The following RRAD variants were observed in gnomAD, a reference collection of about 807,000 sequenced individuals.
RRAD encodes GTP-binding protein RAD.
RRAD carries 15 observed loss-of-function variants against 24.7 expected under a neutral mutation model. That is an observed-to-expected ratio of 0.61 (90% confidence interval 0.41 to 0.93). The LOEUF is 0.93. Among genes scored for constraint, RRAD ranks in the 40% least tolerant of loss-of-function variants. The pLI is 0.00. For missense variants in RRAD, 438 were observed against 452.2 expected (o/e 0.97, Z 0.29); for synonymous variants, 180 against 189.8 (o/e 0.95, Z 0.43).
In RRAD at chr16:66,923,349, G is replaced by T. The variant is rs986432194; in HGVS notation, c.649+167C>A. ...TTTCCCCAGCCCTCTGGGGCCTTCC[G>T]GAGCCCTGTGAGCAGGCACCAGCTC... On this transcript the variant is annotated intron_variant, in intron 4 of 4. Transcript: ENST00000299759. This position sits in a 1 kb window ranked among gnomAD's most constrained non-coding sequence, Gnocchi z 4.9. Among the ~76,000 whole-genome samples, 1 of 152,004 alleles carries T rather than the reference G, an allele frequency of 6.6e-6. No individual in the cohort carries two copies. Among genetic ancestry groups the T allele is most frequent in the Non-Finnish European group, 1.5e-5 (1 of 67,980 alleles).
intron 4 of RRAD, among the ~76,000 whole-genome samples, 155 bp from the exon 5 acceptor site, chr16:66,922,508 G>A (rs146053386): frequency 2.6e-5 from 4 of 152,204 alleles, no homozygotes; most frequent in Non-Finnish European, 2.9e-5. Flanking sequence ...GAGGGTACTG[G>A]GCACTGCTGC....
Position 66,923,161 on chromosome 16 carries a change from C to A in RRAD, c.649+355G>T, listed in dbSNP as rs1023619643. 6.6e-6 allele frequency among the ~76,000 whole-genome samples: 1 copy of A among 152,118 alleles called. No individual in the cohort carries two copies. Among genetic ancestry groups the A allele is most frequent in the African/African-American group, 2.4e-5 (1 of 41,422 alleles). ...GGAAGGGTCTTCCCCAGGGCCAAGT[C>A]TACTCTAAGAATGGCCCAGACCTAG... On this transcript the variant is annotated intron_variant, in intron 4 of 4. Transcript: ENST00000299759. This position sits in a 1 kb window ranked among gnomAD's most constrained non-coding sequence, Gnocchi z 4.9.
Position 66,924,067 on chromosome 16 carries a change from G to A in RRAD, c.371-148C>T, listed in dbSNP as rs952268019. On this transcript the variant is annotated intron_variant, in intron 2 of 4. Transcript: ENST00000299759. The surrounding 1 kb of genome is among the most constrained non-coding windows in gnomAD (Gnocchi z 4.2). ...CAGATGCTGGTATGTGGCAACAGCA[G>A]TGCCAGGCAGGGAAGTGGGGGCTGG... The A allele has an allele frequency of 1.3e-5, 9 of 709,242 alleles. No individual in the cohort carries two copies. The highest frequency in any genetic ancestry group is 2.0e-5 in the Non-Finnish European group (8 of 393,316). The allele number at this position is 709,242 out of a possible 1,614,324, so 43.9% of individuals were successfully genotyped here.
chr16:66,925,222 T>G lies in RRAD; in HGVS notation c.-15-28A>C, dbSNP rs572163707. The stretch of plus-strand genomic sequence containing the variant: ...AGGGGATCAGGAACCCGAGTGGCCG[T>G]GTAAGCCGCGAGGGAGGCGGGACCC... On this transcript the variant is annotated intron_variant, in intron 1 of 4. Transcript: ENST00000299759. This position sits in a 1 kb window ranked among gnomAD's most constrained non-coding sequence, Gnocchi z 5.2. 970 of 1,234,558 alleles carry G rather than the reference T, an allele frequency of 7.9e-4. 12 individuals carry two copies. In the African/African-American group the frequency reaches 0.014, roughly 18 times the overall value. The allele number at this position is 1,234,558 out of a possible 1,614,324, so 76.5% of individuals were successfully genotyped here.
In RRAD at chr16:66,923,242, C is replaced by G. The variant is rs1254610785; in HGVS notation, c.649+274G>C. Among the ~76,000 whole-genome samples, 1 of 152,212 alleles carries G rather than the reference C, an allele frequency of 6.6e-6. No homozygotes were observed. On this transcript the variant is annotated intron_variant, in intron 4 of 4. Transcript: ENST00000299759. The surrounding 1 kb of genome is among the most constrained non-coding windows in gnomAD (Gnocchi z 4.9). Reference sequence around the variant, plus strand: ...CCTACACTCTCTTCCACCCATTTACCCCCCCAACCAGCCAGGCCAGGACCA... The same window carrying G: ...CCTACACTCTCTTCCACCCATTTACGCCCCCAACCAGCCAGGCCAGGACCA...
In RRAD at chr16:66,922,229, T is replaced by C; in HGVS notation, c.774A>G (p.Lys258=). ...VRQIRLRRDS[K]EANARRQAGT... Reference sequence around the variant, plus strand: ...CTGCTTGCCGTCGTGCGTTGGCTTCTTTGCTGTCCCTGCGCAGGCGTATCT... The same window carrying C: ...CTGCTTGCCGTCGTGCGTTGGCTTCCTTGCTGTCCCTGCGCAGGCGTATCT... Residue 258 remains lysine (K), a synonymous_variant, in exon 5 of 5, where the codon AAA becomes AAG. Transcript: ENST00000299759. 2 of 1,614,214 alleles carry C rather than the reference T, an allele frequency of 1.2e-6. No homozygotes were observed. The highest frequency in any genetic ancestry group is 1.7e-6 in the Non-Finnish European group (2 of 1,180,028).
Position 66,923,680 on chromosome 16 carries a change from C to A in RRAD, c.485G>T (p.Gly162Val). The change falls in exon 4 of 5, where the codon GGG becomes GTG. Residue 162 changes from glycine (G) to valine (V), a missense_variant. Gly to Val is a moderately radical substitution (Grantham distance 109). Transcript: ENST00000299759. The surrounding 1 kb of genome is among the most constrained non-coding windows in gnomAD (Gnocchi z 4.9). ...TGAGTACACAATGACATAGGCATCC[C>A]CCATGGCCATGCAGTGGCCGGGCAA... Reference protein sequence around the residue: ...RWLPGHCMAMGDAYVIVYSVT... With the variant: ...RWLPGHCMAMVDAYVIVYSVT... 1 of 1,614,152 alleles carries A rather than the reference C, an allele frequency of 6.2e-7. No homozygotes were observed.
intron 4 of RRAD, 80 bp from the exon 5 acceptor site, chr16:66,922,433 G>A: frequency 7.1e-7 from 1 of 1,409,694 alleles, no homozygotes; most frequent in Non-Finnish European, 9.6e-7. Context: ...GGCCACCCAT[G>A]GAAGCTGCCA....
Position 66,923,485 on chromosome 16 carries a change from T to C in RRAD, c.649+31A>G, listed in dbSNP as rs1453999411. The C allele has an allele frequency of 2.5e-6, 4 of 1,572,846 alleles. No individual in the cohort carries two copies. The highest frequency in any genetic ancestry group is 1.1e-5 in the South Asian group (1 of 88,220). ...CCTGGATCAGGGCCCAGCTGGGCTCTCCCTCCCCCTGCAACCTGCCGCCTA... is the reference window on the plus strand; with the variant it reads ...CCTGGATCAGGGCCCAGCTGGGCTCCCCCTCCCCCTGCAACCTGCCGCCTA... On this transcript the variant is annotated intron_variant, in intron 4 of 4. Coordinates refer to ENST00000299759, the MANE Select transcript of RRAD (RefSeq NM_004165.3). This position sits in a 1 kb window ranked among gnomAD's most constrained non-coding sequence, Gnocchi z 4.9.
Position 66,924,884 on chromosome 16 carries a change from GC to G in RRAD, c.295del (p.Ala99ArgfsTer34). 6.3e-7 allele frequency: 1 copy of G among 1,584,752 alleles called. No individual in the cohort carries two copies. Among genetic ancestry groups the G allele is most frequent in the South Asian group, 1.1e-5 (1 of 89,362 alleles). ...CAGGGCGCTCTTGCCCACGCCGGGC[GC>G]CCCCAGCAGCAGCACCTTGTAAACG... ...ESVYKVLLLG[A>X]PGVGKSALAR... On this transcript the variant is annotated frameshift_variant, in exon 2 of 5. Coordinates refer to ENST00000299759, the MANE Select transcript of RRAD (RefSeq NM_004165.3). LOFTEE classifies it high-confidence loss of function. The surrounding 1 kb of genome is among the most constrained non-coding windows in gnomAD (Gnocchi z 4.2).
At position 66,922,164 on chromosome 16, in the gene RRAD, C is replaced by A. The variant is rs1390430043; in HGVS notation, c.839G>T (p.Arg280Leu). The stretch of plus-strand genomic sequence containing the variant: ...ACGAGCTACGATGCGGCCCAAGAAG[C>A]GCTTCGCCTTTTTGCCAAGGCTCTC... ...RRESLGKKAK[R>L]FLGRIVARNS... is the part of the protein sequence containing the mutation. The change falls in exon 5 of 5, where the codon CGC (arginine) becomes CTC (leucine). Residue 280 changes from arginine (R) to leucine (L), a missense_variant. Coordinates refer to ENST00000299759, the MANE Select transcript of RRAD (RefSeq NM_004165.3). 1.2e-6 allele frequency: 2 copies of A among 1,614,194 alleles called. No individual in the cohort carries two copies. Among genetic ancestry groups the A allele is most frequent in the Admixed American group, 1.7e-5 (1 of 60,034 alleles).
At position 66,923,771 on chromosome 16, in the gene RRAD, C is replaced by CT; in HGVS notation, c.445-52_445-51insA. 5 of 1,611,106 alleles carry CT rather than the reference C, an allele frequency of 3.1e-6. No individual in the cohort carries two copies. The highest frequency in any genetic ancestry group is 4.2e-6 in the Non-Finnish European group (5 of 1,177,362). ...CCCAACAGTCCTCATGCCCCCGACACGAGCCTGGCACTCCCAGACCTCTAA... is the reference window on the plus strand; with the variant it reads ...CCCAACAGTCCTCATGCCCCCGACACTGAGCCTGGCACTCCCAGACCTCTAA... On this transcript the variant is annotated intron_variant, in intron 3 of 4. Transcript: ENST00000299759. This position sits in a 1 kb window ranked among gnomAD's most constrained non-coding sequence, Gnocchi z 4.9.
In RRAD at chr16:66,921,940, A is replaced by G. The variant is rs1250637520; in HGVS notation, c.*136T>C. ...CAGCACTGTCTATCTGTCCATGACC[A>G]TGAGGTTGGGGGTGCCCGGCTGGCA... On this transcript the variant is annotated 3_prime_UTR_variant, in exon 5 of 5. Transcript: ENST00000299759. 1 of 711,596 alleles carries G rather than the reference A, an allele frequency of 1.4e-6. No individual in the cohort carries two copies. Among genetic ancestry groups the G allele is most frequent in the East Asian group, 2.7e-5 (1 of 36,708 alleles). 44.1% of individuals were successfully genotyped at this position (711,596 alleles called of 1,614,324 possible). A position where few individuals can be genotyped will look rare whatever the true frequency, so the allele number is the denominator to read the frequency against.
In RRAD at chr16:66,924,801, TC is replaced by T; in HGVS notation, c.370+8del. On this transcript the variant is annotated splice_region_variant and intron_variant, in intron 2 of 4. Transcript: ENST00000299759. This position sits in a 1 kb window ranked among gnomAD's most constrained non-coding sequence, Gnocchi z 4.2. ...ATCGCCCCTCCCCTGAACAGCTGGGTCCCCTCACCTGCTGCCTCTGCTTCAG... is the reference window on the plus strand; with the variant it reads ...ATCGCCCCTCCCCTGAACAGCTGGGTCCCTCACCTGCTGCCTCTGCTTCAG... 6.5e-7 allele frequency: 1 copy of T among 1,528,770 alleles called. No individual in the cohort carries two copies. The highest frequency in any genetic ancestry group is 8.8e-7 in the Non-Finnish European group (1 of 1,134,828). 94.7% of individuals were successfully genotyped at this position (1,528,770 alleles called of 1,614,324 possible). A position where few individuals can be genotyped will look rare whatever the true frequency, so the allele number is the denominator to read the frequency against.
Position 66,922,127 on chromosome 16 carries a change from C to T in RRAD, c.876G>A (p.Lys292=). Residue 292 remains lysine (K), a synonymous_variant, in exon 5 of 5, where the codon AAG becomes AAA. Transcript: ENST00000299759. ...ACTTGGATTTGGCGCGAAAGGCCATCTTGCGGCTGTTACGAGCTACGATGC... is the reference window on the plus strand; with the variant it reads ...ACTTGGATTTGGCGCGAAAGGCCATTTTGCGGCTGTTACGAGCTACGATGC... The part of the protein sequence containing the change: ...LGRIVARNSR[K]MAFRAKSKSC... 6.2e-7 allele frequency: 1 copy of T among 1,613,104 alleles called. No homozygotes were observed. The highest frequency in any genetic ancestry group is 8.5e-7 in the Non-Finnish European group (1 of 1,179,046).
In RRAD at chr16:66,925,354, G is replaced by C. The variant is rs1470798169; in HGVS notation, c.-16+55C>G. The C allele has an allele frequency of 1.9e-6, 1 of 537,918 alleles. No homozygotes were observed. Among genetic ancestry groups the C allele is most frequent in the African/African-American group, 2.0e-5 (1 of 50,342 alleles). The allele number at this position is 537,918 out of a possible 1,614,324, so 33.3% of individuals were successfully genotyped here. ...CGGCGCCCTCACCCGGGACCCCTCCGGACCTGGCGCATCCATCTGCAGCCG... is the reference window on the plus strand; with the variant it reads ...CGGCGCCCTCACCCGGGACCCCTCCCGACCTGGCGCATCCATCTGCAGCCG... On this transcript the variant is annotated intron_variant, in intron 1 of 4. Transcript: ENST00000299759. This position sits in a 1 kb window ranked among gnomAD's most constrained non-coding sequence, Gnocchi z 5.2.
In RRAD at chr16:66,924,730, T is replaced by C. The variant is rs1962968149; in HGVS notation, c.370+80A>G. On this transcript the variant is annotated intron_variant, in intron 2 of 4. Transcript: ENST00000299759. This position sits in a 1 kb window ranked among gnomAD's most constrained non-coding sequence, Gnocchi z 4.2. ...CAACAACAACTATAATTCCACGGTA[T>C]TTGCGGCTTTGAGTACCGGTCTCAG... 9.2e-7 allele frequency: 1 copy of C among 1,087,162 alleles called. No individual in the cohort carries two copies. Among genetic ancestry groups the C allele is most frequent in the Non-Finnish European group, 1.2e-6 (1 of 825,716 alleles). The allele number at this position is 1,087,162 out of a possible 1,614,324, so 67.3% of individuals were successfully genotyped here. A position where few individuals can be genotyped will look rare whatever the true frequency, so the allele number is the denominator to read the frequency against.
Position 66,923,791 on chromosome 16 carries a change from C to G in RRAD, c.444+55G>C. 6.2e-7 allele frequency: 1 copy of G among 1,610,552 alleles called. No homozygotes were observed. On this transcript the variant is annotated intron_variant, in intron 3 of 4. Coordinates refer to ENST00000299759, the MANE Select transcript of RRAD (RefSeq NM_004165.3). This position sits in a 1 kb window ranked among gnomAD's most constrained non-coding sequence, Gnocchi z 4.9. ...CGACACGAGCCTGGCACTCCCAGAC[C>G]TCTAACCCAACTCACTCCTCCCTCC... is the stretch of plus-strand genomic sequence containing the variant.
chr16:66,922,290 T>C lies in RRAD; in HGVS notation c.713A>G (p.His238Arg). 1 of 1,612,636 alleles carries C rather than the reference T, an allele frequency of 6.2e-7. No individual in the cohort carries two copies. Among genetic ancestry groups the C allele is most frequent in the South Asian group, 1.1e-5 (1 of 91,070 alleles). The stretch of plus-strand genomic sequence containing the variant: ...ACCTTCAAACAGCGCCTGGACATTG[T>C]GGTGCAATGCCGCTGATGTCTCAAT... ...KFIETSAALHHNVQALFEGVV... is the reference protein window; with the variant it reads ...KFIETSAALHRNVQALFEGVV... Residue 238 changes from histidine (H) to arginine (R), a missense_variant, in exon 5 of 5, where the codon CAC (histidine) becomes CGC (arginine). His to Arg is a conservative substitution (Grantham distance 29). Coordinates refer to ENST00000299759, the MANE Select transcript of RRAD (RefSeq NM_004165.3).
Sources: gnomAD v4.1 joint callset for allele counts (sites outside exome capture counted in the v4.1 genomes callset) on GRCh38, gnomAD v4.1.1 for gene constraint, Gnocchi (gnomAD v3.1) non-coding constraint, MANE v1.5 for transcripts, NCBI Gene and HGNC (gene_info 2026-07-23, HGNC 2026-07-21) for gene names.